The following EXOC6B variants were observed in gnomAD, a reference collection of about 807,000 sequenced individuals.
The protein encoded by EXOC6B is SEC15 homolog B.
Under a neutral mutation model 113.5 loss-of-function variants are expected in EXOC6B, and 54 were observed. The observed-to-expected ratio is 0.48, with a 90% confidence interval of 0.38 to 0.60. The LOEUF (loss-of-function observed/expected upper bound fraction) is 0.60, where lower values mean the gene tolerates loss of function less well. Ranked by LOEUF, EXOC6B falls within the 20% of genes least tolerant of loss-of-function variation. The pLI, the probability that EXOC6B is intolerant of heterozygous loss-of-function variation, is 0.00. For synonymous variants in EXOC6B, 357 were observed against 339.0 expected (o/e 1.05, Z -0.58); for missense variants, 797 against 977.5 (o/e 0.82, Z 2.46).
chr2:72,803,574 G>GA (rs1357578348), intron 1 of EXOC6B, among the ~76,000 whole-genome samples: 2 of 151,592 alleles, frequency 1.3e-5, no homozygotes, highest in Non-Finnish European at 2.9e-5. Flanking sequence ...TGCAAGGGAA[G>GA]AAAAAAAATG....
intron 20 of EXOC6B, among the ~76,000 whole-genome samples, chr2:72,210,318 C>T (rs1680109072): frequency 1.3e-5 from 2 of 152,168 alleles, no homozygotes; most frequent in African/African-American, 2.4e-5. Context: ...TTAAGTCAAT[C>T]GAAATGCATT....
intron 18 of EXOC6B, among the ~76,000 whole-genome samples, chr2:72,414,957 G>A (rs1230450732): frequency 2.0e-5 from 3 of 151,966 alleles, no homozygotes; most frequent in African/African-American, 4.8e-5. Context: ...TGTTGCCTAG[G>A]GTGGTCTCAA....
chr2:72,400,701 A>T (rs1369070405), intron 18 of EXOC6B, among the ~76,000 whole-genome samples: 1 of 151,864 alleles, frequency 6.6e-6, no homozygotes, highest in East Asian at 1.9e-4. Flanking sequence ...GCTCAACATC[A>T]CTAATTATCA....
intron 20 of EXOC6B, among the ~76,000 whole-genome samples, chr2:72,289,680 G>T (rs1386788620): frequency 2.6e-5 from 4 of 152,140 alleles, no homozygotes; most frequent in Non-Finnish European, 5.9e-5. Flanking sequence ...ATTATTCTGG[G>T]TGTCTCTGTG....
chr2:72,656,378 G>T (rs192843905), intron 6 of EXOC6B, among the ~76,000 whole-genome samples: 1 of 151,882 alleles, frequency 6.6e-6, no homozygotes, highest in Admixed American at 6.5e-5. Flanking sequence ...AGAAAATAAA[G>T]GAGAATAACT....
chr2:72,649,104 C>T (rs1361203007), intron 6 of EXOC6B, among the ~76,000 whole-genome samples: 1 of 152,082 alleles, frequency 6.6e-6, no homozygotes, highest in Non-Finnish European at 1.5e-5. Flanking sequence ...CACACCACTG[C>T]TTTCCTACCT....
rs1704163395 is a variant in EXOC6B, at chr2:72,566,090, CAA to C, written c.847-6571_847-6570del. Among the ~76,000 whole-genome samples, 5 of 151,942 alleles carry C rather than the reference CAA, an allele frequency of 3.3e-5. No individual in the cohort carries two copies. In the South Asian group the frequency reaches 1.0e-3, roughly 32 times the overall value. On this transcript the variant is annotated intron_variant, in intron 7 of 21. Coordinates refer to ENST00000272427, the MANE Select transcript of EXOC6B (RefSeq NM_015189.3). ...TAGTAAACAATTCTGTAAGTTCTGA[CAA>C]ATGCATATAGACCTGTAATCATCAT...
chr2:72,631,404 A>G (rs892327262), intron 6 of EXOC6B, among the ~76,000 whole-genome samples: 10 of 69,076 alleles, frequency 1.4e-4, no homozygotes, highest in Non-Finnish European at 1.8e-4. Context: ...TAGTGTGTGT[A>G]TATGTGTGTG....
chr2:72,574,150 G>A (rs902467130), intron 7 of EXOC6B, among the ~76,000 whole-genome samples: 1 of 150,704 alleles, frequency 6.6e-6, no homozygotes, highest in Non-Finnish European at 1.5e-5. Flanking sequence ...ACATTCTTAT[G>A]ATAGCTCCTG....
intron 1 of EXOC6B, among the ~76,000 whole-genome samples, chr2:72,809,694 A>G (rs1202071610): frequency 6.6e-6 from 1 of 152,234 alleles, no homozygotes; most frequent in African/African-American, 2.4e-5. Context: ...CCAAGAAGAC[A>G]TAGCAATACT....
chr2:72,339,906 A>G (rs1688924880), intron 19 of EXOC6B, among the ~76,000 whole-genome samples: 1 of 152,202 alleles, frequency 6.6e-6, no homozygotes, highest in Admixed American at 6.5e-5. Context: ...ACACACAAAT[A>G]TATATGAGAT....
At chr2:72,775,147 T>A (rs1290434666) in intron 1 of EXOC6B, among the ~76,000 whole-genome samples, 1 of 152,116 alleles carries the variant, frequency 6.6e-6, no homozygotes, top group East Asian at 1.9e-4. Flanking sequence ...CTCCTTATTG[T>A]TTAGGAGTTG....
intron 11 of EXOC6B, among the ~76,000 whole-genome samples, chr2:72,501,829 A>G (rs1252606277): frequency 4.0e-5 from 6 of 150,676 alleles, no homozygotes; most frequent in African/African-American, 1.5e-4. Flanking sequence ...GCAGGATCAT[A>G]GCTCACTGCA....
At chr2:72,559,346 C>G in intron 8 of EXOC6B, 107 bp downstream of exon 8, 2 of 702,498 alleles carry the variant, frequency 2.8e-6, no homozygotes, top group Non-Finnish European at 4.3e-6. Flanking sequence ...CAAGAGTTTT[C>G]TCATTTTTCA....
intron 6 of EXOC6B, among the ~76,000 whole-genome samples, chr2:72,612,951 T>C (rs1354826448): frequency 6.6e-6 from 1 of 152,228 alleles, no homozygotes; most frequent in East Asian, 1.9e-4. Context: ...ATCATGCAGC[T>C]AGCTCAGTAG....
intron 17 of EXOC6B, among the ~76,000 whole-genome samples, chr2:72,478,305 T>TG (rs1009251209): frequency 5.3e-5 from 8 of 152,206 alleles, no homozygotes; most frequent in African/African-American, 1.4e-4. Flanking sequence ...ATGTCACACA[T>TG]GGCAGAAATA....
At chr2:72,646,074 G>A (rs993131127) in intron 6 of EXOC6B, among the ~76,000 whole-genome samples, 9 of 151,684 alleles carry the variant, frequency 5.9e-5, no homozygotes, top group Non-Finnish European at 1.0e-4. Context: ...AAAGAGAGAA[G>A]AATCAAATAG....
intron 21 of EXOC6B, among the ~76,000 whole-genome samples, chr2:72,180,931 T>C (rs1678041289): frequency 6.6e-6 from 1 of 152,198 alleles, no homozygotes; most frequent in Non-Finnish European, 1.5e-5. Context: ...TTCTTTCGGC[T>C]GGGCGCGGTA....
intron 17 of EXOC6B, 147 bp downstream of exon 17, chr2:72,480,469 A>C: frequency 1.3e-6 from 1 of 766,322 alleles, no homozygotes; most frequent in Admixed American, 3.8e-5. Context: ...TTTCAAAGAA[A>C]ATAGAGAAGG....
Sources: allele counts gnomAD v4.1 joint callset (sites outside exome capture counted in the v4.1 genomes callset), GRCh38; gene constraint gnomAD v4.1.1; transcripts MANE v1.5; gene names NCBI Gene and HGNC (gene_info 2026-07-23, HGNC 2026-07-21).